PIK3C2B: variants seen among roughly 807,000 people sequenced by gnomAD.
PIK3C2B encodes the protein phosphatidylinositol 4-phosphate 3-kinase C2 domain-containing subunit beta.
Under a neutral mutation model 184.3 loss-of-function variants are expected in PIK3C2B, and 83 were observed. That is an observed-to-expected ratio of 0.45 (90% confidence interval 0.38 to 0.54). The LOEUF (loss-of-function observed/expected upper bound fraction) is 0.54, where lower values mean the gene tolerates loss of function less well. Ranked by LOEUF, PIK3C2B falls within the 20% of genes least tolerant of loss-of-function variation. The pLI, the probability that PIK3C2B is intolerant of heterozygous loss-of-function variation, is 0.00. For synonymous variants in PIK3C2B, 779 were observed against 837.6 expected, an observed-to-expected ratio of 0.93 and a Z score of 1.21; for missense variants, 1,736 against 2,113.5, an observed-to-expected ratio of 0.82 and a Z score of 3.50.
intron 1 of PIK3C2B, among the ~76,000 whole-genome samples, chr1:204,490,600 C>A (rs1207174334): frequency 2.0e-5 from 3 of 152,040 alleles, no homozygotes; most frequent in African/African-American, 7.2e-5. Flanking sequence ...CAGGTCCTTT[C>A]CAGTTTTGAT....
intron 11 of PIK3C2B, among the ~76,000 whole-genome samples, chr1:204,455,101 T>TGCGTGCGTGTGTGC (rs1258856043): frequency 6.6e-6 from 1 of 152,216 alleles, no homozygotes; most frequent in African/African-American, 2.4e-5. Context: ...CGTCTGTGTG[T>TGCGTGCGTGTGTGC]GCGTGCGTGT....
chr1:204,432,140 C>T (rs1232873272), intron 27 of PIK3C2B, 60 bp downstream of exon 27: 7 of 1,495,160 alleles, frequency 4.7e-6, no homozygotes, highest in Non-Finnish European at 6.5e-6. Context: ...AAGTCAGGAT[C>T]CCAGCAAGCC....
Position 204,432,408 on chromosome 1 carries a change from G to C in PIK3C2B, c.3954-7C>G, listed in dbSNP as rs755618410. ...CAGGCTGGACTCAATCAACCTGGCAGGAGGATAAGAAAAGAGGATATAACC... is the reference window on the plus strand; with the variant it reads ...CAGGCTGGACTCAATCAACCTGGCACGAGGATAAGAAAAGAGGATATAACC... On this transcript the variant is annotated splice_polypyrimidine_tract_variant and splice_region_variant and intron_variant, in intron 26 of 32. Coordinates refer to ENST00000684373, the MANE Select transcript of PIK3C2B (RefSeq NM_001377334.1). 1 of 1,613,056 alleles carries C rather than the reference G, an allele frequency of 6.2e-7. No individual in the cohort carries two copies. The highest frequency in any genetic ancestry group is 1.3e-5 in the African/African-American group (1 of 74,878).
chr1:204,435,757 A>G (rs1258044620), intron 23 of PIK3C2B: 1 of 152,244 alleles, frequency 6.6e-6, no homozygotes, highest in Non-Finnish European at 1.5e-5. Flanking sequence ...AGCTCCACAC[A>G]GAATGCACCC....
At chr1:204,458,076 C>T (rs1046905906) in intron 8 of PIK3C2B, among the ~76,000 whole-genome samples, 1 of 152,226 alleles carries the variant, frequency 6.6e-6, no homozygotes, top group Admixed American at 6.5e-5. Flanking sequence ...ATGGGCCATG[C>T]CCACATGCCC....
At position 204,450,054 on chromosome 1, in the gene PIK3C2B, T is replaced by G. The variant is rs201396400; in HGVS notation, c.2067-37A>C. ...AGGAAGTCAAATTAGGAGGGGCCAC[T>G]CCTGTGGCTTCAAGCAACAGGTGGC... On this transcript the variant is annotated intron_variant, in intron 12 of 32. Coordinates refer to ENST00000684373, the MANE Select transcript of PIK3C2B (RefSeq NM_001377334.1). 18 of 1,495,250 alleles carry G rather than the reference T, an allele frequency of 1.2e-5. No individual in the cohort carries two copies. The East Asian group carries it at 4.0e-4, about 33-fold the overall frequency. 92.6% of individuals were successfully genotyped at this position (1,495,250 alleles called of 1,614,324 possible). A position where few individuals can be genotyped will look rare whatever the true frequency, so the allele number is the denominator to read the frequency against.
intron 1 of PIK3C2B, among the ~76,000 whole-genome samples, chr1:204,473,268 G>A (rs1351686112): frequency 6.6e-6 from 1 of 152,210 alleles, no homozygotes; most frequent in Non-Finnish European, 1.5e-5. Flanking sequence ...CAGTGAATCT[G>A]ACAACTATTG....
At chr1:204,483,254 CA>C (rs1008787725) in intron 1 of PIK3C2B, among the ~76,000 whole-genome samples, 12 of 151,924 alleles carry the variant, frequency 7.9e-5, no homozygotes, top group African/African-American at 2.9e-4. Context: ...TCCATCTTTA[CA>C]AAAAACACAA....
chr1:204,466,853 T>A (rs375101836), intron 2 of PIK3C2B: 4 of 532,956 alleles, frequency 7.5e-6, no homozygotes, highest in South Asian at 2.8e-5. Context: ...AGCAGGGGTA[T>A]CAGGCTGGCA....
Position 204,458,784 on chromosome 1 carries a change from G to A in PIK3C2B, c.1567-910C>T, listed in dbSNP as rs1046208631. On this transcript the variant is annotated intron_variant, in intron 8 of 32. Transcript: ENST00000684373. ...GCTGGGATTACAGGCGTGAGCCACCGCACCTGGCCAAGGCTATGACGATTC... is the reference window on the plus strand; with the variant it reads ...GCTGGGATTACAGGCGTGAGCCACCACACCTGGCCAAGGCTATGACGATTC... Among the ~76,000 whole-genome samples the A allele has an allele frequency of 7.9e-5, 12 of 151,400 alleles. 1 individual carries two copies. The East Asian group carries it at 2.4e-3, about 30-fold the overall frequency.
At chr1:204,457,300 A>C (rs570951901) in intron 9 of PIK3C2B, among the ~76,000 whole-genome samples, 12 of 152,314 alleles carry the variant, frequency 7.9e-5, no homozygotes, top group Middle Eastern at 3.4e-3. Flanking sequence ...GAGATATCCC[A>C]ACCCTCAGGC....
rs753904732 is a variant in PIK3C2B, at chr1:204,443,443, G to A, written c.3022C>T (p.Arg1008Trp). 7 of 1,614,052 alleles carry A rather than the reference G, an allele frequency of 4.3e-6. No individual in the cohort carries two copies. The highest frequency in any genetic ancestry group is 4.0e-5 in the African/African-American group (3 of 74,956). Residue 1008 changes from arginine (R) to tryptophan (W), a missense_variant, in exon 19 of 33, where the codon CGG becomes TGG. Transcript: ENST00000684373. ...TGCCTTGCAGATGGGGCTGCCTCCC[G>A]GACCTGCTGGGCCAGTTTGGCCAGG... Reference protein sequence around the residue: ...NALAKLAQQVREAAPSARQGI... With the variant: ...NALAKLAQQVWEAAPSARQGI...
intron 1 of PIK3C2B, among the ~76,000 whole-genome samples, chr1:204,473,697 T>C (rs1372290309): frequency 6.6e-6 from 1 of 152,210 alleles, no homozygotes; most frequent in Admixed American, 6.5e-5. Flanking sequence ...AAATAATCTT[T>C]TTCAACTTCA....
Position 204,427,650 on chromosome 1 carries a change from A to G in PIK3C2B, c.4585T>C (p.Leu1529=). The G allele has an allele frequency of 1.9e-6, 3 of 1,605,208 alleles. No homozygotes were observed. Among genetic ancestry groups the G allele is most frequent in the Non-Finnish European group, 2.6e-6 (3 of 1,171,960 alleles). The change falls in exon 31 of 33, where the codon TTG becomes CTG. Residue 1529 remains leucine (L), a splice_region_variant and synonymous_variant. Transcript: ENST00000684373. ...ATCACGGCTGTGCAGGCACTTACCA[A>G]GCCCCGAATATGCATCACCATGATG... is the stretch of plus-strand genomic sequence containing the variant. ...LFIMVMHIRG[L]QLLQDGNDPD...
intron 1 of PIK3C2B, among the ~76,000 whole-genome samples, chr1:204,477,704 A>T (rs1656820182): frequency 6.6e-6 from 1 of 152,158 alleles, no homozygotes; most frequent in Non-Finnish European, 1.5e-5. Context: ...CCCTAACAGA[A>T]TTGTTCTCCT....
At chr1:204,473,463 A>C (rs1267749843) in intron 1 of PIK3C2B, among the ~76,000 whole-genome samples, 1 of 152,164 alleles carries the variant, frequency 6.6e-6, no homozygotes, top group South Asian at 2.1e-4. Flanking sequence ...GCAGATGGAG[A>C]TATCCAGAAC....
chr1:204,459,438 G>C (rs1655141582), intron 8 of PIK3C2B, among the ~76,000 whole-genome samples: 1 of 152,202 alleles, frequency 6.6e-6, no homozygotes, highest in Non-Finnish European at 1.5e-5. Flanking sequence ...GAGGGCTCTG[G>C]CCCTCCCTAC....
At chr1:204,440,743 C>T (rs1675609959) in intron 21 of PIK3C2B, among the ~76,000 whole-genome samples, 1 of 147,512 alleles carries the variant, frequency 6.8e-6, no homozygotes, top group African/African-American at 2.5e-5. Flanking sequence ...ATTACAGGTG[C>T]CTGCCACCAC....
chr1:204,444,552 A>C lies in PIK3C2B; in HGVS notation c.2679-128T>G, dbSNP rs1653683257. 4 of 645,972 alleles carry C rather than the reference A, an allele frequency of 6.2e-6. No individual in the cohort carries two copies. In the South Asian group the frequency reaches 7.4e-5, roughly 12 times the overall value. The allele number at this position is 645,972 out of a possible 1,614,324, so 40.0% of individuals were successfully genotyped here. A position where few individuals can be genotyped will look rare whatever the true frequency, so the allele number is the denominator to read the frequency against. On this transcript the variant is annotated intron_variant, in intron 16 of 32. Coordinates refer to ENST00000684373, the MANE Select transcript of PIK3C2B (RefSeq NM_001377334.1). Reference sequence around the variant, plus strand: ...AATGCAATGGCCCTAGATTCTGCTAAAGTCACTAGAAGAATCCTTAGCAAC... The same window carrying C: ...AATGCAATGGCCCTAGATTCTGCTACAGTCACTAGAAGAATCCTTAGCAAC...
Sources: allele counts gnomAD v4.1 joint callset (sites outside exome capture counted in the v4.1 genomes callset), GRCh38; gene constraint gnomAD v4.1.1; transcripts MANE v1.5; gene names NCBI Gene and HGNC (gene_info 2026-07-23, HGNC 2026-07-21).